NCAM2: variants seen among roughly 807,000 people sequenced by gnomAD.
The protein encoded by NCAM2 is neural cell adhesion molecule 2.
A neutral mutation model predicts 98.1 loss-of-function variants in NCAM2; 30 were observed. The observed-to-expected ratio is 0.31, with a 90% CI of 0.23 to 0.41. The LOEUF is 0.41. Among genes scored for constraint, NCAM2 ranks in the 10% least tolerant of loss-of-function variants. The pLI is 1.00. For missense variants in NCAM2, 867 were observed against 1,005.8 expected (o/e 0.86, Z 1.87); for synonymous variants, 368 against 342.4 (o/e 1.07, Z -0.83).
intron 16 of NCAM2, among the ~76,000 whole-genome samples, chr21:21,527,473 T>C (rs900923284): frequency 6.6e-6 from 1 of 152,154 alleles, no homozygotes; most frequent in African/African-American, 2.4e-5. Context: ...AAAGGACTAT[T>C]ATATGATGTA....
rs538848653 is a variant in NCAM2 at position 21,027,580 on chromosome 21, A to T, written c.55+28962A>T. Reference sequence around the variant, plus strand: ...TCAATTTATAGTGATTTCTTCAATGATAAAATATTAGACTATAGCTTAATT... The same window carrying T: ...TCAATTTATAGTGATTTCTTCAATGTTAAAATATTAGACTATAGCTTAATT... On this transcript the variant is annotated intron_variant, in intron 1 of 17. Transcript: ENST00000400546. Among the ~76,000 whole-genome samples, 6 of 152,324 alleles carry T rather than the reference A, an allele frequency of 3.9e-5. No individual in the cohort carries two copies. In the South Asian group the frequency reaches 1.2e-3, roughly 32 times the overall value.
At chr21:21,388,185 T>C (rs746821123) in intron 9 of NCAM2, among the ~76,000 whole-genome samples, 35 of 152,202 alleles carry the variant, frequency 2.3e-4, no homozygotes, top group Admixed American at 1.3e-4. Context: ...TTAAAGTGTT[T>C]GTTCACATCA....
At chr21:21,125,746 A>G (rs1023738585) in intron 1 of NCAM2, among the ~76,000 whole-genome samples, 4 of 145,580 alleles carry the variant, frequency 2.7e-5, no homozygotes, top group African/African-American at 1.0e-4. Context: ...TTCCAGGAAA[A>G]GTAGAAACCA....
intron 1 of NCAM2, among the ~76,000 whole-genome samples, chr21:21,014,921 T>A (rs2064277641): frequency 6.6e-6 from 1 of 152,180 alleles, no homozygotes; most frequent in African/African-American, 2.4e-5. Flanking sequence ...CTCGTATTTC[T>A]CCATCCTCAT....
At chr21:21,288,845 C>A (rs904049862) in intron 4 of NCAM2, among the ~76,000 whole-genome samples, 3 of 151,776 alleles carry the variant, frequency 2.0e-5, no homozygotes, top group African/African-American at 7.3e-5. Context: ...ATAATGAAAG[C>A]TTGGAAATGC....
intron 1 of NCAM2, among the ~76,000 whole-genome samples, chr21:21,161,179 C>T (rs2067770747): frequency 6.6e-6 from 1 of 150,748 alleles, no homozygotes; most frequent in African/African-American, 2.4e-5. Flanking sequence ...ATATTATTTG[C>T]GAATAGATAG....
At chr21:21,120,542 C>T (rs1000265282) in intron 1 of NCAM2, among the ~76,000 whole-genome samples, 7 of 151,962 alleles carry the variant, frequency 4.6e-5, no homozygotes, top group Non-Finnish European at 7.4e-5. Flanking sequence ...ATTAAGCCTG[C>T]GTGTTCACAG....
At chr21:21,292,288 A>G (rs781597346) in intron 5 of NCAM2, 47 bp downstream of exon 5, 21 of 1,566,090 alleles carry the variant, frequency 1.3e-5, no homozygotes, top group Middle Eastern at 1.7e-4. Context: ...CATTTTAGCA[A>G]TGTTTTTTAT....
At chr21:21,395,502 C>T (rs1419572236) in intron 9 of NCAM2, among the ~76,000 whole-genome samples, 1 of 152,100 alleles carries the variant, frequency 6.6e-6, no homozygotes, top group Non-Finnish European at 1.5e-5. Context: ...TAATTCTTCA[C>T]AGAATTAGAA....
intron 1 of NCAM2, among the ~76,000 whole-genome samples, chr21:21,009,429 A>C (rs1393837978): frequency 6.6e-6 from 1 of 152,060 alleles, no homozygotes; most frequent in Non-Finnish European, 1.5e-5. Context: ...TTATGTCCTC[A>C]CTGAAAATTA....
intron 5 of NCAM2, among the ~76,000 whole-genome samples, chr21:21,308,677 T>C (rs2073954363): frequency 6.6e-6 from 1 of 152,278 alleles, no homozygotes; most frequent in East Asian, 1.9e-4. Flanking sequence ...AGAAAAGTTT[T>C]AGTCATTAGA....
chr21:21,411,001 G>A (rs868491254), intron 10 of NCAM2, among the ~76,000 whole-genome samples: 42 of 92,044 alleles, frequency 4.6e-4, no homozygotes, highest in African/African-American at 1.6e-3. Context: ...GCGAGACTCC[G>A]TCTTAAAAAA....
intron 1 of NCAM2, among the ~76,000 whole-genome samples, chr21:21,178,851 T>G (rs1283457236): frequency 1.3e-5 from 2 of 152,082 alleles, no homozygotes; most frequent in Non-Finnish European, 2.9e-5. Context: ...ATGCTTGAGC[T>G]TCAGGCTTGA....
At chr21:21,410,892 A>G (rs1313567152) in intron 10 of NCAM2, among the ~76,000 whole-genome samples, 2 of 148,624 alleles carry the variant, frequency 1.3e-5, no homozygotes, top group Admixed American at 1.4e-4. Context: ...CTATAGCCCC[A>G]GCTACTCAGG....
intron 11 of NCAM2, among the ~76,000 whole-genome samples, chr21:21,419,423 A>G (rs1419230161): frequency 6.7e-6 from 1 of 148,180 alleles, no homozygotes; most frequent in East Asian, 2.0e-4. Flanking sequence ...GGTTAGTTAC[A>G]TATGTATACA....
intron 8 of NCAM2, among the ~76,000 whole-genome samples, chr21:21,346,447 A>G (rs2075191747): frequency 6.6e-6 from 1 of 152,074 alleles, no homozygotes; most frequent in African/African-American, 2.4e-5. Context: ...AGACTTCAAC[A>G]CCCAACTTTC....
chr21:21,194,704 TTAAA>T (rs1307838200), intron 1 of NCAM2, among the ~76,000 whole-genome samples: 2 of 152,108 alleles, frequency 1.3e-5, no homozygotes, highest in African/African-American at 4.8e-5. Flanking sequence ...TTTTTAAATT[TTAAA>T]TAATTGACAA....
chr21:21,166,525 A>G (rs1020676606), intron 1 of NCAM2, among the ~76,000 whole-genome samples: 1 of 152,102 alleles, frequency 6.6e-6, no homozygotes, highest in African/African-American at 2.4e-5. Context: ...AGACTTATAC[A>G]ATGATAAGTT....
At chr21:21,385,411 T>TAC (rs1555885265) in intron 9 of NCAM2, among the ~76,000 whole-genome samples, 1 of 105,920 alleles carries the variant, frequency 9.4e-6, no homozygotes, top group African/African-American at 3.2e-5. Context: ...CACACACACA[T>TAC]ACACACACAC....
Sources: gnomAD v4.1 joint callset for allele counts (sites outside exome capture counted in the v4.1 genomes callset) on GRCh38, gnomAD v4.1.1 for gene constraint, MANE v1.5 for transcripts, NCBI Gene and HGNC (gene_info 2026-07-23, HGNC 2026-07-21) for gene names.